Variants in FGF13 observed in about 807,000 individuals in gnomAD.
FGF13 encodes the protein fibroblast growth factor 13.
FGF13 carries 2 observed loss-of-function variants against 19.5 expected under a neutral mutation model. The ratio of observed to expected loss-of-function variants is 0.10; its 90% CI spans 0.04 to 0.32. The LOEUF (loss-of-function observed/expected upper bound fraction) is 0.32, where lower values mean the gene tolerates loss of function less well. Ranked by LOEUF, FGF13 falls within the 10% of genes least tolerant of loss-of-function variation. The pLI is 1.00. For synonymous variants in FGF13, 72 were observed against 76.9 expected, an observed-to-expected ratio of 0.94 and a Z score of 0.33; for missense variants, 113 against 192.7, an observed-to-expected ratio of 0.59 and a Z score of 2.45.
At chrX:139,128,740 T>C (rs760165507) in intron 1 of FGF13, among the ~76,000 whole-genome samples, 1 of 112,174 alleles carries the variant, frequency 8.9e-6, no homozygotes, top group African/African-American at 3.2e-5. Context: ...ATTCGTTCAT[T>C]AAATAAATGG....
At chrX:138,870,577 C>T (rs2091352503) in intron 1 of FGF13, among the ~76,000 whole-genome samples, 1 of 112,519 alleles carries the variant, frequency 8.9e-6, no homozygotes, top group African/African-American at 3.2e-5. Flanking sequence ...TACCTTAAGA[C>T]TGCAGATGAA....
At chrX:139,068,359 A>G (rs2092364305) in intron 1 of FGF13, among the ~76,000 whole-genome samples, 1 of 102,313 alleles carries the variant, frequency 9.8e-6, no homozygotes. Context: ...CTGTTTTGGT[A>G]CCAGTACCAT....
intron 1 of FGF13, among the ~76,000 whole-genome samples, chrX:139,112,971 AGTGTGT>A (rs748975156): frequency 0.042 from 3,727 of 87,699 alleles, 74 homozygotes; most frequent in Middle Eastern, 0.075. Flanking sequence ...TTGATTATGT[AGTGTGT>A]GTGTGTGTGT....
chrX:139,130,662 A>C (rs1039324067), intron 1 of FGF13, among the ~76,000 whole-genome samples: 4 of 111,708 alleles, frequency 3.6e-5, no homozygotes, highest in African/African-American at 1.3e-4. Flanking sequence ...CCTATGGCTC[A>C]AATTTCTACT....
At chrX:138,804,405 C>T (rs891606820) in intron 3 of FGF13, among the ~76,000 whole-genome samples, 1 of 112,145 alleles carries the variant, frequency 8.9e-6, no homozygotes, top group African/African-American at 3.2e-5. Context: ...GTCACCTTCA[C>T]CTGAACTGTG....
intron 1 of FGF13, among the ~76,000 whole-genome samples, chrX:138,927,752 G>T (rs989936957): frequency 9.8e-5 from 11 of 111,723 alleles, no homozygotes; most frequent in Non-Finnish European, 1.9e-4. Flanking sequence ...CTACCAAGCT[G>T]ATATAAACTA....
At chrX:138,914,627 T>C (rs1308641645) in intron 1 of FGF13, among the ~76,000 whole-genome samples, 1 of 87,908 alleles carries the variant, frequency 1.1e-5, no homozygotes, top group Non-Finnish European at 2.2e-5. Flanking sequence ...TTTCGAAGCT[T>C]GTGTTGGACT....
intron 1 of FGF13, among the ~76,000 whole-genome samples, chrX:139,202,196 G>A (rs983311061): frequency 1.8e-5 from 2 of 111,606 alleles, no homozygotes. Flanking sequence ...GTCTCCCAAC[G>A]GTAGCCTGAA....
At chrX:138,769,470 G>T (rs973734316) in intron 3 of FGF13, among the ~76,000 whole-genome samples, 1 of 111,847 alleles carries the variant, frequency 8.9e-6, no homozygotes, top group Admixed American at 9.5e-5. Context: ...ACTGTACTTA[G>T]CCCACTGCCT....
At chrX:139,002,828 AC>A (rs1375325794) in intron 1 of FGF13, among the ~76,000 whole-genome samples, 4 of 111,797 alleles carry the variant, frequency 3.6e-5, no homozygotes, top group African/African-American at 1.3e-4. Flanking sequence ...GCCAGGACTT[AC>A]CATGTGCTGA....
intron 1 of FGF13, among the ~76,000 whole-genome samples, chrX:139,192,038 T>C (rs2091826201): frequency 9.0e-6 from 1 of 111,507 alleles, no homozygotes; most frequent in Non-Finnish European, 1.9e-5. Context: ...AGGGAGACCA[T>C]CAAGGGAAAC....
At chrX:138,823,923 T>C (rs2091016284) in intron 3 of FGF13, among the ~76,000 whole-genome samples, 1 of 112,123 alleles carries the variant, frequency 8.9e-6, no homozygotes, top group Non-Finnish European at 1.9e-5. Context: ...CTGTAACTCA[T>C]TTTCTTGCAT....
intron 3 of FGF13, among the ~76,000 whole-genome samples, chrX:138,787,471 G>A (rs749285950): frequency 8.9e-6 from 1 of 112,413 alleles, no homozygotes; most frequent in Non-Finnish European, 1.9e-5. Context: ...ATTGCAAAGA[G>A]CCAACTTCCC....
At position 138,904,103 on chromosome X, in the gene FGF13, A is replaced by G. The variant is rs2091545704; in HGVS notation, c.-112-39453T>C. ...CCTCTCTTTCTCCCAGAGCTTTAGA[A>G]AAGAGATATATGAACAAAAACCTAG... On this transcript the variant is annotated intron_variant, in intron 1 of 2. Coordinates refer to the FGF13 transcript ENST00000421460. Among the ~76,000 whole-genome samples, 3 of 112,257 alleles carry G rather than the reference A, an allele frequency of 2.7e-5. No individual in the cohort carries two copies. In the South Asian group the frequency reaches 1.1e-3, roughly 41 times the overall value.
chrX:139,090,498 G>A (rs942551148), intron 1 of FGF13, among the ~76,000 whole-genome samples: 4 of 111,265 alleles, frequency 3.6e-5, no homozygotes, highest in African/African-American at 1.3e-4. Context: ...AGGTAAACTT[G>A]TGTCATGGGG....
intron 1 of FGF13, among the ~76,000 whole-genome samples, chrX:139,043,551 T>G (rs762560838): frequency 9.0e-6 from 1 of 110,940 alleles, no homozygotes; most frequent in East Asian, 2.8e-4. Context: ...TGGAAAACAG[T>G]CTGGTGCTTT....
At chrX:139,053,043 T>C (rs1238934729) in intron 1 of FGF13, among the ~76,000 whole-genome samples, 4 of 102,135 alleles carry the variant, frequency 3.9e-5, no homozygotes, top group African/African-American at 1.4e-4. Flanking sequence ...GTCCATTTTA[T>C]CCTTCTTATG....
At chrX:138,801,221 T>A (rs1371343623) in intron 3 of FGF13, among the ~76,000 whole-genome samples, 1 of 112,713 alleles carries the variant, frequency 8.9e-6, no homozygotes, top group Non-Finnish European at 1.9e-5. Context: ...TGTGGATTTA[T>A]CTACCTTTGA....
In FGF13 at chrX:139,072,484, A is replaced by G. The variant is rs181580768; in HGVS notation, c.-113+130932T>C. ...CCAAGATGTGGTATTTTGTTATGAC[A>G]GCCTTAGAAGACTAATACAGTGACT... On this transcript the variant is annotated intron_variant, in intron 1 of 2. Coordinates refer to the FGF13 transcript ENST00000421460. Among the ~76,000 whole-genome samples the G allele has an allele frequency of 1.3e-4, 15 of 111,830 alleles. No homozygotes were observed. In the East Asian group the frequency reaches 4.2e-3, roughly 31 times the overall value.
Sources: gnomAD v4.1 joint callset for allele counts (sites outside exome capture counted in the v4.1 genomes callset) on GRCh38, gnomAD v4.1.1 for gene constraint, MANE v1.5 for transcripts, NCBI Gene and HGNC (gene_info 2026-07-23, HGNC 2026-07-21) for gene names.